The following KCNIP4 variants were observed in gnomAD, a reference collection of about 807,000 sequenced individuals.
KCNIP4 encodes the protein Kv channel-interacting protein 4.
KCNIP4 carries 12 observed loss-of-function variants against 34.0 expected under a neutral mutation model. The ratio of observed to expected loss-of-function variants is 0.35; its 90% CI spans 0.23 to 0.57. KCNIP4 has a LOEUF of 0.57. KCNIP4 is among the 20% of genes least tolerant of loss of function. The probability of loss-of-function intolerance (pLI) is 0.83; values close to 1 mark genes in which losing one functional copy is unlikely to be tolerated. For missense variants in KCNIP4, 238 were observed against 311.7 expected (o/e 0.76, Z 1.78); for synonymous variants, 124 against 102.2 (o/e 1.21, Z -1.29).
chr4:21,661,908 A>G (rs1748482896), intron 1 of KCNIP4, among the ~76,000 whole-genome samples: 1 of 152,214 alleles, frequency 6.6e-6, no homozygotes, highest in Non-Finnish European at 1.5e-5. Flanking sequence ...TTCTATTAAA[A>G]AATTAGCTTA....
intron 1 of KCNIP4, among the ~76,000 whole-genome samples, chr4:21,509,183 AATAG>A (rs753364510): frequency 9.2e-5 from 14 of 152,326 alleles, no homozygotes; most frequent in South Asian, 4.1e-4. Flanking sequence ...AAGGAATAGA[AATAG>A]ATAGTGATGC....
At chr4:21,140,655 T>G (rs1454288201) in intron 1 of KCNIP4, among the ~76,000 whole-genome samples, 1 of 152,192 alleles carries the variant, frequency 6.6e-6, no homozygotes, top group East Asian at 1.9e-4. Flanking sequence ...GTCCAAACAC[T>G]GCAGGCTGCT....
chr4:21,796,126 C>A (rs777625718), intron 1 of KCNIP4, among the ~76,000 whole-genome samples: 15 of 152,002 alleles, frequency 9.9e-5, no homozygotes, highest in Non-Finnish European at 2.1e-4. Context: ...TGTGGTTTAG[C>A]TCTTATATAA....
intron 1 of KCNIP4, among the ~76,000 whole-genome samples, chr4:21,837,183 C>T (rs1451791001): frequency 4.3e-3 from 1 of 230 alleles, no homozygotes; most frequent in Admixed American, 0.042. Context: ...TCCCAAAGTG[C>T]TGGGAATTAC....
chr4:21,507,518 A>G (rs1409420174), intron 1 of KCNIP4, among the ~76,000 whole-genome samples: 1 of 152,076 alleles, frequency 6.6e-6, no homozygotes, highest in Non-Finnish European at 1.5e-5. Context: ...AGGTCTCCCA[A>G]AGTGCTAGAA....
intron 1 of KCNIP4, among the ~76,000 whole-genome samples, chr4:21,483,789 CAAAAATAAAAAT>C (rs60570638): frequency 0.69 from 100,995 of 145,428 alleles, 35,745 homozygotes; most frequent in African/African-American, 0.81. Flanking sequence ...GACTCCATCT[CAAAAATAAAAAT>C]AAAAATAAAA....
At chr4:20,925,430 C>T (rs768513328) in intron 1 of KCNIP4, among the ~76,000 whole-genome samples, 6 of 152,080 alleles carry the variant, frequency 3.9e-5, no homozygotes, top group Non-Finnish European at 5.9e-5. Flanking sequence ...ACCAAGATGG[C>T]GATGAGAATG....
chr4:21,801,055 A>G (rs11721658), intron 1 of KCNIP4, among the ~76,000 whole-genome samples: 71,691 of 151,648 alleles, frequency 0.47, 18,992 homozygotes, highest in Non-Finnish European at 0.62. Context: ...CAGAAAAATC[A>G]GGGAGGTTTT....
intron 1 of KCNIP4, among the ~76,000 whole-genome samples, chr4:21,190,509 G>C (rs529879433): frequency 5.3e-5 from 8 of 151,860 alleles, no homozygotes; most frequent in East Asian, 1.9e-4. Context: ...GAGTGGGTGG[G>C]GGGGGGCACT....
At chr4:21,691,691 CTTTTTTTTTTTT>C (rs36004947) in intron 1 of KCNIP4, among the ~76,000 whole-genome samples, 3 of 103,144 alleles carry the variant, frequency 2.9e-5, no homozygotes, top group Non-Finnish European at 3.7e-5. Context: ...AAACGCAGCT[CTTTTTTTTTTTT>C]TTTTTTTTTT....
chr4:21,736,803 G>T (rs1420750238), intron 1 of KCNIP4, among the ~76,000 whole-genome samples: 2 of 151,968 alleles, frequency 1.3e-5, no homozygotes, highest in Non-Finnish European at 2.9e-5. Context: ...GTATCCCAGG[G>T]ATTTGACACA....
At chr4:21,941,355 T>C (rs1730194697) in intron 1 of KCNIP4, among the ~76,000 whole-genome samples, 1 of 152,200 alleles carries the variant, frequency 6.6e-6, no homozygotes, top group South Asian at 2.1e-4. Flanking sequence ...AATCTGATTT[T>C]GATTCTGATC....
At chr4:21,939,704 T>A (rs373298376) in intron 1 of KCNIP4, among the ~76,000 whole-genome samples, 2 of 152,188 alleles carry the variant, frequency 1.3e-5, no homozygotes, top group East Asian at 3.9e-4. Flanking sequence ...AGATAACCAC[T>A]GCAATAATAC....
chr4:21,372,146 A>G (rs1355734821), intron 1 of KCNIP4, among the ~76,000 whole-genome samples: 1 of 147,476 alleles, frequency 6.8e-6, no homozygotes, highest in Non-Finnish European at 1.5e-5. Context: ...ATTCAGAAAA[A>G]AAGAACACAG....
At chr4:21,015,681 A>G (rs35128915) in intron 1 of KCNIP4, among the ~76,000 whole-genome samples, 20,772 of 75,778 alleles carry the variant, frequency 0.27, 4,412 homozygotes, top group Non-Finnish European at 0.34. Context: ...AATATAGTAT[A>G]TTGCATTAAT....
intron 1 of KCNIP4, among the ~76,000 whole-genome samples, chr4:21,452,127 G>T (rs866458510): frequency 6.6e-6 from 1 of 151,832 alleles, no homozygotes; most frequent in African/African-American, 2.4e-5. Context: ...GGCACTGAGG[G>T]GATCTGTGAT....
In KCNIP4 at chr4:21,760,231, C is replaced by T. The variant is rs113792330; in HGVS notation, c.61+188340G>A. On this transcript the variant is annotated intron_variant, in intron 1 of 8. Transcript: ENST00000382152. ...CTTCCAGAGCCTAAACTTAACTAAG[C>T]TCAGGTACTAGAATCTAGTGGTTCC... Among the ~76,000 whole-genome samples the T allele has an allele frequency of 2.2e-3, 341 of 152,206 alleles. 4 individuals carry two copies. The highest frequency in any genetic ancestry group is 2.3e-3 in the Non-Finnish European group (158 of 68,006).
At position 20,729,465 on chromosome 4, in the gene KCNIP4, A is replaced by G. The variant is rs1454217437; in HGVS notation, c.*617T>C. 2 of 131,190 alleles carry G rather than the reference A, an allele frequency of 1.5e-5. No individual in the cohort carries two copies. The highest frequency in any genetic ancestry group is 4.1e-4 in the East Asian group (2 of 4,934). 8.1% of individuals were successfully genotyped at this position (131,190 alleles called of 1,614,324 possible). On this transcript the variant is annotated 3_prime_UTR_variant, in exon 9 of 9. Transcript: ENST00000382152. Reference sequence around the variant, plus strand: ...TATTAGGCATATGCTGATATCTGATAATAAACTAATTTTTAAATGTTTAAT... The same window carrying G: ...TATTAGGCATATGCTGATATCTGATGATAAACTAATTTTTAAATGTTTAAT...
In KCNIP4 at chr4:21,517,217, T is replaced by C. The variant is rs144351910; in HGVS notation, c.61+431354A>G. 3.4e-3 allele frequency among the ~76,000 whole-genome samples: 514 copies of C among 152,068 alleles called. 1 individual carries two copies. Among genetic ancestry groups the C allele is most frequent in the Non-Finnish European group, 6.4e-3 (432 of 67,994 alleles). The stretch of plus-strand genomic sequence containing the variant: ...TATACACTCCCAGGAAAATAATGAG[T>C]ACAACATACTCAGAAACAACCACGT... On this transcript the variant is annotated intron_variant, in intron 1 of 8. Transcript: ENST00000382152.
Sources: gnomAD v4.1 joint callset for allele counts (sites outside exome capture counted in the v4.1 genomes callset) on GRCh38, gnomAD v4.1.1 for gene constraint, MANE v1.5 for transcripts, NCBI Gene and HGNC (gene_info 2026-07-23, HGNC 2026-07-21) for gene names.